The following SEM1 variants were observed in gnomAD, a reference collection of about 807,000 sequenced individuals.
SEM1 encodes 26S proteasome complex subunit SEM1.
SEM1 carries 3 observed loss-of-function variants against 12.7 expected under a neutral mutation model. The observed-to-expected ratio is 0.24, with a 90% CI of 0.11 to 0.61. The LOEUF (loss-of-function observed/expected upper bound fraction) is 0.61, where lower values mean the gene tolerates loss of function less well. Ranked by LOEUF, SEM1 falls within the 20% of genes least tolerant of loss-of-function variation. The pLI, the probability that SEM1 is intolerant of heterozygous loss-of-function variation, is 0.88. For missense variants in SEM1, 59 were observed against 81.3 expected (o/e 0.73, Z 1.06); for synonymous variants, 30 against 27.8 (o/e 1.08, Z -0.25).
chr7:96,530,757 G>C (rs185537834), intron 2 of SEM1, among the ~76,000 whole-genome samples: 1 of 152,208 alleles, frequency 6.6e-6, no homozygotes. Flanking sequence ...GTGCCTGTAA[G>C]TTGCCTAGGA....
chr7:96,610,629 C>G (rs1335468528), intron 2 of SEM1, among the ~76,000 whole-genome samples: 1 of 152,108 alleles, frequency 6.6e-6, no homozygotes, highest in Non-Finnish European at 1.5e-5. Context: ...TTAATCAATG[C>G]CATAGACCTT....
intron 3 of SEM1, among the ~76,000 whole-genome samples, chr7:96,504,880 A>T (rs919739385): frequency 6.6e-6 from 1 of 151,684 alleles, no homozygotes; most frequent in African/African-American, 2.4e-5. Flanking sequence ...CTTGTTGAAG[A>T]CACAAGGTTG....
chr7:96,557,086 ATTC>A (rs1805532444), intron 2 of SEM1, among the ~76,000 whole-genome samples: 1 of 143,754 alleles, frequency 7.0e-6, no homozygotes. Context: ...CTAGTTATAC[ATTC>A]TTCTACATTT....
At chr7:96,675,385 T>C (rs992503966) in intron 2 of SEM1, among the ~76,000 whole-genome samples, 2 of 152,174 alleles carry the variant, frequency 1.3e-5, no homozygotes, top group South Asian at 2.1e-4. Flanking sequence ...CACTAAAACA[T>C]TGGGTCAGGA....
At chr7:96,533,650 G>T (rs530021027) in intron 2 of SEM1, among the ~76,000 whole-genome samples, 1 of 151,896 alleles carries the variant, frequency 6.6e-6, no homozygotes, top group Non-Finnish European at 1.5e-5. Context: ...CCCTCCTTTG[G>T]TGTCCCTACA....
chr7:96,614,348 T>C (rs182312961), intron 2 of SEM1, among the ~76,000 whole-genome samples: 165 of 152,328 alleles, frequency 1.1e-3, no homozygotes, highest in African/African-American at 3.8e-3. Flanking sequence ...TATTGTTTTG[T>C]GGTTTTGGTC....
At chr7:96,588,379 C>G (rs1457842267) in intron 2 of SEM1, among the ~76,000 whole-genome samples, 1,784 of 126,920 alleles carry the variant, frequency 0.014, 42 homozygotes, top group East Asian at 0.075. Flanking sequence ...CACACACACA[C>G]ACACACACAC....
At chr7:96,586,693 G>C (rs926043630) in intron 2 of SEM1, among the ~76,000 whole-genome samples, 3 of 152,088 alleles carry the variant, frequency 2.0e-5, no homozygotes, top group African/African-American at 7.2e-5. Context: ...GATTCTTTAG[G>C]TTTTTTGTTT....
chr7:96,565,721 C>G (rs1805825962), intron 2 of SEM1, among the ~76,000 whole-genome samples: 1 of 151,770 alleles, frequency 6.6e-6, no homozygotes, highest in Admixed American at 6.6e-5. Flanking sequence ...AAAAAGAAGA[C>G]TTTTTAAAAC....
intron 2 of SEM1, among the ~76,000 whole-genome samples, chr7:96,631,398 G>A (rs896760448): frequency 6.6e-6 from 1 of 151,990 alleles, no homozygotes; most frequent in Non-Finnish European, 1.5e-5. Context: ...TTTATAATAG[G>A]ACAGCACTGA....
At chr7:96,555,753 TTC>T (rs543406541) in intron 2 of SEM1, among the ~76,000 whole-genome samples, 393 of 144,140 alleles carry the variant, frequency 2.7e-3, no homozygotes, top group African/African-American at 9.6e-3. Flanking sequence ...CTTGTTGACT[TTC>T]TGTCTCGTTG....
At chr7:96,700,014 A>G (rs954474747) in intron 1 of SEM1, among the ~76,000 whole-genome samples, 1 of 152,204 alleles carries the variant, frequency 6.6e-6, no homozygotes, top group Non-Finnish European at 1.5e-5. Flanking sequence ...GACCTTGGGT[A>G]AATTAAATTT....
chr7:96,591,729 G>A (rs1203359386), intron 2 of SEM1, among the ~76,000 whole-genome samples: 1 of 151,942 alleles, frequency 6.6e-6, no homozygotes, highest in Non-Finnish European at 1.5e-5. Context: ...GAACATAGAG[G>A]GCTATTCCTT....
chr7:96,672,206 G>C (rs1032475941), downstream of SEM1, among the ~76,000 whole-genome samples: 2 of 152,146 alleles, frequency 1.3e-5, no homozygotes, highest in Admixed American at 6.6e-5. Flanking sequence ...TCTTTTACAA[G>C]GAAAGAGCGA....
intron 2 of SEM1, among the ~76,000 whole-genome samples, chr7:96,581,214 T>A (rs1160377757): frequency 1.3e-5 from 2 of 152,162 alleles, no homozygotes; most frequent in African/African-American, 4.8e-5. Flanking sequence ...CCAGCACCAT[T>A]TATTAAATAG....
upstream of SEM1, among the ~76,000 whole-genome samples, chr7:96,500,947 T>C (rs1191671083): frequency 6.6e-6 from 1 of 152,166 alleles, no homozygotes; most frequent in Non-Finnish European, 1.5e-5. Context: ...GCCACAGATT[T>C]ATACCTAGCT....
At chr7:96,621,139 G>A (rs1254920997), downstream of SEM1, among the ~76,000 whole-genome samples, 1 of 152,124 alleles carries the variant, frequency 6.6e-6, no homozygotes, top group Non-Finnish European at 1.5e-5. Flanking sequence ...AAGAAAATAT[G>A]GAATAGAAGT....
intron 2 of SEM1, among the ~76,000 whole-genome samples, chr7:96,563,137 G>C (rs1360313751): frequency 6.6e-6 from 1 of 152,068 alleles, no homozygotes; most frequent in African/African-American, 2.4e-5. Context: ...AAATGTTCCT[G>C]AGTAGACAAG....
At chr7:96,546,964 G>C (rs977557071) in intron 2 of SEM1, among the ~76,000 whole-genome samples, 8 of 152,234 alleles carry the variant, frequency 5.3e-5, no homozygotes, top group Middle Eastern at 3.4e-3. Context: ...TAGCTGGCAT[G>C]AGGACATATA....
Sources: gnomAD v4.1 joint callset for allele counts (sites outside exome capture counted in the v4.1 genomes callset) on GRCh38, gnomAD v4.1.1 for gene constraint, MANE v1.5 for transcripts, NCBI Gene and HGNC (gene_info 2026-07-23, HGNC 2026-07-21) for gene names.